Variants in EYS observed in about 807,000 individuals in gnomAD.
EYS encodes protein eyes shut homolog.
Under a neutral mutation model 282.1 loss-of-function variants are expected in EYS, and 250 were observed. The observed-to-expected ratio is 0.89, with a 90% confidence interval of 0.80 to 0.98. The LOEUF (loss-of-function observed/expected upper bound fraction) is 0.98, where lower values mean the gene tolerates loss of function less well. EYS is among the 50% of genes least tolerant of loss of function. The pLI is 0.00. For missense variants in EYS, 4,016 were observed against 3,709.0 expected, an observed-to-expected ratio of 1.08 and a Z score of -2.15; for synonymous variants, 1,355 against 1,282.9, an observed-to-expected ratio of 1.06 and a Z score of -1.20.
intron 35 of EYS, among the ~76,000 whole-genome samples, chr6:63,895,515 C>G (rs929268693): frequency 2.0e-5 from 3 of 152,190 alleles, no homozygotes; most frequent in Non-Finnish European, 4.4e-5. Context: ...AGTGGTCAAC[C>G]TGTGCTAGCC....
At chr6:64,784,642 A>G (rs1773962655) in intron 22 of EYS, among the ~76,000 whole-genome samples, 1 of 152,138 alleles carries the variant, frequency 6.6e-6, no homozygotes, top group Non-Finnish European at 1.5e-5. Context: ...GCTGTCTTAG[A>G]TCAGTTTTTA....
At chr6:65,123,712 T>C (rs939352264) in intron 12 of EYS, among the ~76,000 whole-genome samples, 34 of 151,926 alleles carry the variant, frequency 2.2e-4, no homozygotes, top group Middle Eastern at 3.4e-3. Context: ...TGGCTATTTC[T>C]TGGCTTTCTT....
chr6:64,482,083 A>G (rs1242006451), intron 26 of EYS, among the ~76,000 whole-genome samples: 2 of 151,778 alleles, frequency 1.3e-5, no homozygotes, highest in East Asian at 3.9e-4. Flanking sequence ...TCCTGAGGTT[A>G]ACTCAATCAG....
chr6:64,460,787 T>A (rs538946651), intron 26 of EYS, among the ~76,000 whole-genome samples: 1 of 152,346 alleles, frequency 6.6e-6, no homozygotes, highest in Non-Finnish European at 1.5e-5. Context: ...TGATTTTTCA[T>A]ATTTTACCTT....
At chr6:64,350,390 A>G (rs1242636371) in intron 29 of EYS, among the ~76,000 whole-genome samples, 1 of 151,634 alleles carries the variant, frequency 6.6e-6, no homozygotes, top group Non-Finnish European at 1.5e-5. Context: ...TGATTCACAA[A>G]CATTTCTCTA....
At chr6:65,402,086 C>T (rs1443370195) in intron 7 of EYS, among the ~76,000 whole-genome samples, 1 of 151,638 alleles carries the variant, frequency 6.6e-6, no homozygotes, top group African/African-American at 2.4e-5. Context: ...TTGTGAAACA[C>T]AGGAAGAAAT....
At chr6:64,959,759 G>A (rs1377749227) in intron 14 of EYS, among the ~76,000 whole-genome samples, 1 of 151,916 alleles carries the variant, frequency 6.6e-6, no homozygotes, top group African/African-American at 2.4e-5. Context: ...TCTCTATTGT[G>A]CCAAGTATTC....
At chr6:63,938,285 T>G (rs1765132989) in intron 35 of EYS, among the ~76,000 whole-genome samples, 1 of 152,082 alleles carries the variant, frequency 6.6e-6, no homozygotes, top group African/African-American at 2.4e-5. Context: ...TGGAGTCGAG[T>G]CTGCTGCTGC....
At chr6:64,032,051 T>G (rs900376285) in intron 33 of EYS, among the ~76,000 whole-genome samples, 1 of 152,070 alleles carries the variant, frequency 6.6e-6, no homozygotes, top group African/African-American at 2.4e-5. Flanking sequence ...GGTCTGCAGC[T>G]TCACCCCTGA....
chr6:65,610,173 C>T (rs1765944843), intron 2 of EYS, among the ~76,000 whole-genome samples: 2 of 152,054 alleles, frequency 1.3e-5, no homozygotes, highest in African/African-American at 4.8e-5. Flanking sequence ...TCCCAAAACA[C>T]TGGGATTACA....
At chr6:64,192,256 A>C (rs1765138378) in intron 31 of EYS, among the ~76,000 whole-genome samples, 3 of 151,750 alleles carry the variant, frequency 2.0e-5, no homozygotes. Flanking sequence ...TAGGTTGCGA[A>C]AATTTTCTCC....
At chr6:63,883,945 T>G (rs1773197005) in intron 35 of EYS, among the ~76,000 whole-genome samples, 1 of 152,220 alleles carries the variant, frequency 6.6e-6, no homozygotes, top group Admixed American at 6.5e-5. Flanking sequence ...CTTCATTACG[T>G]AACTCTTAGT....
At chr6:65,062,640 A>T (rs1773612925) in intron 12 of EYS, among the ~76,000 whole-genome samples, 1 of 151,940 alleles carries the variant, frequency 6.6e-6, no homozygotes, top group African/African-American at 2.4e-5. Context: ...TTTCTTGCTC[A>T]CTTATTTTCC....
chr6:64,024,130 G>A (rs181664532), intron 33 of EYS, among the ~76,000 whole-genome samples: 34 of 152,350 alleles, frequency 2.2e-4, no homozygotes, highest in South Asian at 4.1e-4. Flanking sequence ...GGCGCAGGGC[G>A]CAGGACTGGC....
intron 31 of EYS, among the ~76,000 whole-genome samples, chr6:64,202,756 G>A: frequency 6.6e-6 from 1 of 152,152 alleles, no homozygotes; most frequent in South Asian, 2.1e-4. Context: ...CCTTTGAAGA[G>A]GAAAGAGAAG....
intron 36 of EYS, among the ~76,000 whole-genome samples, chr6:63,819,872 G>A (rs1452046576): frequency 6.6e-6 from 1 of 152,126 alleles, no homozygotes; most frequent in Non-Finnish European, 1.5e-5. Flanking sequence ...ATCCCATGAT[G>A]TAATCAACCT....
intron 22 of EYS, among the ~76,000 whole-genome samples, chr6:64,688,590 A>G (rs1770248627): frequency 6.6e-6 from 1 of 152,120 alleles, no homozygotes; most frequent in Non-Finnish European, 1.5e-5. Context: ...TCTGAGAGAC[A>G]GTTTGTTATA....
At chr6:64,033,926 A>G (rs1318130238) in intron 33 of EYS, among the ~76,000 whole-genome samples, 1 of 152,136 alleles carries the variant, frequency 6.6e-6, no homozygotes, top group Admixed American at 6.5e-5. Flanking sequence ...GCCTTAACAA[A>G]TATTCAGGTG....
chr6:64,807,610 T>C (rs939364469), intron 22 of EYS, among the ~76,000 whole-genome samples: 3 of 152,176 alleles, frequency 2.0e-5, no homozygotes, highest in African/African-American at 7.2e-5. Flanking sequence ...GATGTGCATA[T>C]TATTAAATTG....
Sources: gnomAD v4.1 joint callset for allele counts (sites outside exome capture counted in the v4.1 genomes callset) on GRCh38, gnomAD v4.1.1 for gene constraint, MANE v1.5 for transcripts, NCBI Gene and HGNC (gene_info 2026-07-23, HGNC 2026-07-21) for gene names.